SLIT3: variants seen among roughly 807,000 people sequenced by gnomAD.
SLIT3 encodes slit guidance ligand 3, also known as slit homolog 3 protein.
In SLIT3, 68 loss-of-function variants were observed where a neutral mutation model predicts 184.0. The ratio of observed to expected loss-of-function variants is 0.37; its 90% CI spans 0.30 to 0.45. The LOEUF is 0.45. Ranked by LOEUF, SLIT3 falls within the 20% of genes least tolerant of loss-of-function variation. The pLI is 1.00. For synonymous variants in SLIT3, 831 were observed against 828.6 expected (o/e 1.00, Z -0.05); for missense variants, 1,707 against 2,026.0 (o/e 0.84, Z 3.02).
intron 23 of SLIT3, among the ~76,000 whole-genome samples, chr5:168,716,085 A>G (rs1173806464): frequency 1.3e-5 from 2 of 152,214 alleles, no homozygotes; most frequent in African/African-American, 2.4e-5. Flanking sequence ...CTCCTGCCTC[A>G]GCCTCCTGAG....
intron 20 of SLIT3, among the ~76,000 whole-genome samples, chr5:168,738,937 CA>C (rs34133933): frequency 0.3 from 25,225 of 83,396 alleles, 1,637 homozygotes; most frequent in South Asian, 0.41. Context: ...GACTCCATCT[CA>C]AAAAAAAAAA....
At chr5:168,708,917 G>C (rs1262049753) in intron 25 of SLIT3, among the ~76,000 whole-genome samples, 1 of 152,186 alleles carries the variant, frequency 6.6e-6, no homozygotes. Flanking sequence ...GCCTGATTGA[G>C]AGCTGGTACC....
chr5:168,982,907 C>A (rs1049158314), intron 4 of SLIT3, among the ~76,000 whole-genome samples: 6 of 152,150 alleles, frequency 3.9e-5, no homozygotes, highest in Non-Finnish European at 8.8e-5. Context: ...CCGAGGGACT[C>A]CTGTTGTACT....
In SLIT3 at chr5:168,845,022, A is replaced by C. The variant is rs143773034; in HGVS notation, c.486-367T>G. 2.0e-3 allele frequency among the ~76,000 whole-genome samples: 305 copies of C among 150,196 alleles called. 2 individuals are homozygous for C. The highest frequency in any genetic ancestry group is 3.7e-3 in the Non-Finnish European group (251 of 67,896). Reference sequence around the variant, plus strand: ...TCATTAAGCTAAAGGCCTGTAAATCATTGGAGGTCACTGCTCTGCCCTCCG... The same window carrying C: ...TCATTAAGCTAAAGGCCTGTAAATCCTTGGAGGTCACTGCTCTGCCCTCCG... On this transcript the variant is annotated intron_variant, in intron 5 of 35. Transcript: ENST00000519560.
chr5:168,866,055 CT>C (rs1159422762), intron 5 of SLIT3, among the ~76,000 whole-genome samples: 1 of 152,188 alleles, frequency 6.6e-6, no homozygotes, highest in Non-Finnish European at 1.5e-5. Context: ...CTTTGCATCT[CT>C]TTTTCAAGAC....
chr5:169,185,289 G>A (rs2113451534), intron 4 of SLIT3, among the ~76,000 whole-genome samples: 1 of 152,298 alleles, frequency 6.6e-6, no homozygotes, highest in African/African-American at 2.4e-5. Flanking sequence ...AGTTTGCAGG[G>A]ACATTTTCCA....
At chr5:169,188,521 T>C (rs865973504) in intron 4 of SLIT3, among the ~76,000 whole-genome samples, 10 of 152,064 alleles carry the variant, frequency 6.6e-5, no homozygotes, top group African/African-American at 2.4e-4. Context: ...AGCTTACAGG[T>C]AGAAGAGCCA....
chr5:168,765,548 C>T (rs568873071), intron 14 of SLIT3, among the ~76,000 whole-genome samples: 2 of 152,302 alleles, frequency 1.3e-5, no homozygotes, highest in Admixed American at 6.5e-5. Context: ...TATTTCATTA[C>T]CGAAACTACT....
In SLIT3 at chr5:168,938,008, C is replaced by T. The variant is rs370816916; in HGVS notation, c.414-54672G>A. 5.4e-4 allele frequency among the ~76,000 whole-genome samples: 82 copies of T among 152,172 alleles called. 1 individual carries two copies. Among genetic ancestry groups the T allele is most frequent in the African/African-American group, 1.9e-3 (77 of 41,512 alleles). On this transcript the variant is annotated intron_variant, in intron 4 of 35. Transcript: ENST00000519560. ...CAGTCATAAATCCAGGGGCTCCATCCACATGGTAGATACTGCGGATCTGTA... is the reference window on the plus strand; with the variant it reads ...CAGTCATAAATCCAGGGGCTCCATCTACATGGTAGATACTGCGGATCTGTA...
chr5:169,195,119 T>C (rs957618960), intron 3 of SLIT3, among the ~76,000 whole-genome samples: 1 of 152,192 alleles, frequency 6.6e-6, no homozygotes, highest in Non-Finnish European at 1.5e-5. Flanking sequence ...GATCCCCATC[T>C]GAGAGCTAAA....
intron 4 of SLIT3, among the ~76,000 whole-genome samples, chr5:169,111,008 C>A (rs936310359): frequency 6.6e-6 from 1 of 152,228 alleles, no homozygotes; most frequent in Non-Finnish European, 1.5e-5. Flanking sequence ...AGCCTTTGCC[C>A]TCTCTGCAAC....
At chr5:169,258,628 C>A (rs544561645) in intron 1 of SLIT3, among the ~76,000 whole-genome samples, 1 of 152,288 alleles carries the variant, frequency 6.6e-6, no homozygotes, top group South Asian at 2.1e-4. Context: ...ACCAATGCTG[C>A]GACTTGGAGC....
Position 169,182,420 on chromosome 5 carries a change from A to C in SLIT3, c.413+11059T>G, listed in dbSNP as rs534956466. Among the ~76,000 whole-genome samples, 4 of 152,348 alleles carry C rather than the reference A, an allele frequency of 2.6e-5. No homozygotes were observed. The South Asian group carries it at 8.3e-4, about 32-fold the overall frequency. ...CTCCTGGACTTTGTAAATGAACTGC[A>C]AACCTTACAAATGGAATTTAATGTT... On this transcript the variant is annotated intron_variant, in intron 4 of 35. Transcript: ENST00000519560.
chr5:169,202,328 T>C (rs1409569616), intron 3 of SLIT3, among the ~76,000 whole-genome samples: 1 of 152,230 alleles, frequency 6.6e-6, no homozygotes, highest in Non-Finnish European at 1.5e-5. Context: ...GGGCACTTAC[T>C]ACTATGAGCT....
intron 5 of SLIT3, among the ~76,000 whole-genome samples, chr5:168,859,815 T>C (rs958438301): frequency 3.3e-5 from 5 of 151,814 alleles, no homozygotes; most frequent in African/African-American, 4.8e-5. Flanking sequence ...GGAGTGGGAG[T>C]AGGATGGGGA....
intron 4 of SLIT3, among the ~76,000 whole-genome samples, chr5:169,187,870 A>C (rs963322384): frequency 1.7e-4 from 8 of 47,714 alleles, no homozygotes; most frequent in African/African-American, 1.9e-4. Flanking sequence ...ATAAATTCTT[A>C]AAAAAAAAAA....
At chr5:169,257,143 G>A (rs1467037702) in intron 1 of SLIT3, among the ~76,000 whole-genome samples, 1 of 152,160 alleles carries the variant, frequency 6.6e-6, no homozygotes, top group Admixed American at 6.5e-5. Flanking sequence ...GTGCAACCAT[G>A]TGACTGAATT....
At chr5:168,914,189 C>T (rs2113094599) in intron 4 of SLIT3, among the ~76,000 whole-genome samples, 1 of 152,324 alleles carries the variant, frequency 6.6e-6, no homozygotes, top group African/African-American at 2.4e-5. Flanking sequence ...AGCAGTGGGA[C>T]TGCTTGGTCA....
intron 4 of SLIT3, among the ~76,000 whole-genome samples, chr5:169,160,847 TGAGG>T (rs1379975099): frequency 6.6e-6 from 1 of 152,176 alleles, no homozygotes; most frequent in Non-Finnish European, 1.5e-5. Flanking sequence ...ACCTACACTT[TGAGG>T]GATCCAGGTC....
Sources: gnomAD v4.1 joint callset for allele counts (sites outside exome capture counted in the v4.1 genomes callset) on GRCh38, gnomAD v4.1.1 for gene constraint, MANE v1.5 for transcripts, NCBI Gene and HGNC (gene_info 2026-07-23, HGNC 2026-07-21) for gene names.